Variants in COL4A5 observed in about 807,000 individuals in gnomAD.
The protein encoded by COL4A5 is collagen type IV alpha 5 chain, also known as collagen alpha-5(IV) chain.
COL4A5 carries 26 observed loss-of-function variants against 130.2 expected under a neutral mutation model. That is an observed-to-expected ratio of 0.20 (90% CI 0.15 to 0.28). The LOEUF (loss-of-function observed/expected upper bound fraction) is 0.28. Ranked by LOEUF, COL4A5 falls within the 10% of genes least tolerant of loss-of-function variation. COL4A5 has a pLI of 1.00. For synonymous variants in COL4A5, 496 were observed against 439.6 expected (o/e 1.13, Z -1.60); for missense variants, 1,131 against 1,344.3 (o/e 0.84, Z 2.48).
chrX:108,622,831 T>G lies in COL4A5; in HGVS notation c.2917+6T>G. 8.4e-7 allele frequency: 1 copy of G among 1,196,870 alleles called. No homozygotes were observed. The highest frequency in any genetic ancestry group is 1.1e-6 in the Non-Finnish European group (1 of 887,642). On this transcript the variant is annotated splice_donor_region_variant and intron_variant, in intron 33 of 52. Transcript: ENST00000328300. ...GGGGGAACCTGGCTTACCAGGTGAG[T>G]GAATGAATTTATTTATGAATATTTT...
At chrX:108,672,637 C>T (rs1486497157) in intron 42 of COL4A5, among the ~76,000 whole-genome samples, 1 of 109,866 alleles carries the variant, frequency 9.1e-6, no homozygotes, top group Non-Finnish European at 1.9e-5. Context: ...GGACCTCATA[C>T]AAAAAAAAAT....
At chrX:108,489,052 A>G (rs760390103) in intron 1 of COL4A5, among the ~76,000 whole-genome samples, 46 of 112,068 alleles carry the variant, frequency 4.1e-4, no homozygotes, top group Admixed American at 8.6e-4. Context: ...TAATTTTTTC[A>G]TATTCCAAGA....
intron 1 of COL4A5, among the ~76,000 whole-genome samples, chrX:108,459,090 A>G (rs968815654): frequency 8.9e-6 from 1 of 112,175 alleles, no homozygotes; most frequent in African/African-American, 3.2e-5. Context: ...GAATTGTACT[A>G]TAAATGGTAT....
chrX:108,647,915 A>G (rs1364553744), intron 36 of COL4A5, among the ~76,000 whole-genome samples: 1 of 111,806 alleles, frequency 8.9e-6, no homozygotes, highest in Non-Finnish European at 1.9e-5. Context: ...CCAGCCTTGC[A>G]TCCCAGGGAT....
intron 25 of COL4A5, 68 bp downstream of exon 25, chrX:108,598,938 C>T: frequency 7.4e-6 from 8 of 1,082,968 alleles, no homozygotes; most frequent in Non-Finnish European, 1.0e-5. Context: ...TTTGGCTACT[C>T]ATGGCTTCCT....
chrX:108,624,931 C>T (rs754971475), intron 34 of COL4A5, among the ~76,000 whole-genome samples: 5 of 111,180 alleles, frequency 4.5e-5, no homozygotes, highest in Non-Finnish European at 7.5e-5. Flanking sequence ...GAGCAGCAGT[C>T]CCCATTCTTA....
chrX:108,503,713 A>T (rs891137204), intron 1 of COL4A5, among the ~76,000 whole-genome samples: 5 of 112,086 alleles, frequency 4.5e-5, no homozygotes, highest in Non-Finnish European at 9.4e-5. Context: ...GAGGTGAAAG[A>T]TCTCTACAAG....
Position 108,695,368 on chromosome X carries a change from G to A in COL4A5, c.4923G>A (p.Arg1641=). Residue 1641 remains arginine, a synonymous_variant, in exon 52 of 53, where the codon AGG becomes AGA. Transcript: ENST00000328300. The part of the protein sequence containing the change: ...RSAPFIECHG[R]GTCNYYANSY... ...CTCCCTTCATCGAATGTCATGGGAG[G>A]GGTACCTGTAACTACTATGCCAACT... The A allele has an allele frequency of 8.3e-7, 1 of 1,211,041 alleles. No individual in the cohort carries two copies. Among genetic ancestry groups the A allele is most frequent in the South Asian group, 1.8e-5 (1 of 56,954 alleles).
intron 28 of COL4A5, among the ~76,000 whole-genome samples, chrX:108,603,688 G>T (rs1458181070): frequency 2.7e-5 from 3 of 111,310 alleles, no homozygotes; most frequent in African/African-American, 9.8e-5. Context: ...CAACAATGAA[G>T]TTTGCCACAT....
intron 30 of COL4A5, among the ~76,000 whole-genome samples, chrX:108,618,980 C>T (rs897264163): frequency 4.5e-5 from 5 of 111,050 alleles, no homozygotes; most frequent in African/African-American, 1.6e-4. Context: ...ATATTGAAAA[C>T]CCAACTATTA....
At chrX:108,533,985 A>G (rs1447638690) in intron 1 of COL4A5, among the ~76,000 whole-genome samples, 1 of 111,203 alleles carries the variant, frequency 9.0e-6, no homozygotes, top group African/African-American at 3.3e-5. Flanking sequence ...GAAAACCACA[A>G]TGAGATATCA....
chrX:108,601,188 G>T (rs2066621788), intron 25 of COL4A5, among the ~76,000 whole-genome samples: 1 of 111,720 alleles, frequency 9.0e-6, no homozygotes, highest in Non-Finnish European at 1.9e-5. Flanking sequence ...CCTTAAGGCT[G>T]TCATATCCTT....
chrX:108,665,369 C>T, intron 37 of COL4A5, 138 bp from the exon 38 acceptor site: 1 of 461,055 alleles, frequency 2.2e-6, no homozygotes, highest in South Asian at 3.4e-5. Context: ...TAAAAATAGC[C>T]AACAAACACC....
intron 40 of COL4A5, among the ~76,000 whole-genome samples, chrX:108,667,515 A>G (rs1444832195): frequency 1.8e-5 from 2 of 110,080 alleles, no homozygotes; most frequent in Non-Finnish European, 3.8e-5. Context: ...ATATACGCCA[A>G]TAATAAAAAT....
At chrX:108,586,798 C>T (rs772173662) in intron 19 of COL4A5, 51 bp downstream of exon 19, 1 of 1,156,640 alleles carries the variant, frequency 8.6e-7, no homozygotes, top group African/African-American at 1.8e-5. Context: ...CTTACTAATC[C>T]ATGTATACTT....
rs568032342 is a variant in COL4A5 at position 108,497,239 on chromosome X, A to G, written c.82-42507A>G. ...CACTGAATCACATTACATTGTATGGATATACCACATTTTGGTTATCGGTTT... is the reference window on the plus strand; with the variant it reads ...CACTGAATCACATTACATTGTATGGGTATACCACATTTTGGTTATCGGTTT... On this transcript the variant is annotated intron_variant, in intron 1 of 52. Transcript: ENST00000328300. Among the ~76,000 whole-genome samples the G allele has an allele frequency of 2.7e-5, 3 of 112,502 alleles. No individual in the cohort carries two copies. In the Admixed American group the frequency reaches 2.8e-4, roughly 11 times the overall value.
At chrX:108,547,688 C>A (rs780612933) in intron 2 of COL4A5, among the ~76,000 whole-genome samples, 30 of 112,052 alleles carry the variant, frequency 2.7e-4, no homozygotes, top group Non-Finnish European at 4.9e-4. Flanking sequence ...TTTTGTTCAG[C>A]TATGCCCTGC....
Position 108,644,923 on chromosome X carries a change from A to C in COL4A5, c.3247-10408A>C, listed in dbSNP as rs1489593073. ...TCCAAACAACAACAACAACAACAAA[A>C]AAAAAAAAAAAAAAGAAAGCAAAGA... On this transcript the variant is annotated intron_variant, in intron 36 of 52. Transcript: ENST00000328300. Among the ~76,000 whole-genome samples the C allele has an allele frequency of 5.9e-3, 552 of 93,273 alleles. 5 individuals are homozygous for C. Among genetic ancestry groups the C allele is most frequent in the African/African-American group, 0.032 (529 of 16,744 alleles). The allele number at this position is 93,273 out of a possible 115,157, so 81.0% of individuals were successfully genotyped here.
At chrX:108,508,604 C>T (rs1368383943) in intron 1 of COL4A5, among the ~76,000 whole-genome samples, 2 of 101,272 alleles carry the variant, frequency 2.0e-5, no homozygotes, top group Non-Finnish European at 4.0e-5. Flanking sequence ...CCTGCATAGC[C>T]AAGGTAATCC....
Sources: gnomAD v4.1 joint callset for allele counts (sites outside exome capture counted in the v4.1 genomes callset) on GRCh38, gnomAD v4.1.1 for gene constraint, MANE v1.5 for transcripts, NCBI Gene and HGNC (gene_info 2026-07-23, HGNC 2026-07-21) for gene names.